CBX1: variants seen among roughly 807,000 people sequenced by gnomAD.
The protein encoded by CBX1 is chromobox protein homolog 1.
A neutral mutation model predicts 25.1 loss-of-function variants in CBX1; 10 were observed. The ratio of observed to expected loss-of-function variants is 0.40; its 90% confidence interval spans 0.25 to 0.68. The LOEUF (loss-of-function observed/expected upper bound fraction) is 0.68. Ranked by LOEUF, CBX1 falls within the 30% of genes least tolerant of loss-of-function variation. The pLI is 0.40. For missense variants in CBX1, 106 were observed against 218.5 expected (o/e 0.49, Z 3.25); for synonymous variants, 63 against 79.4 (o/e 0.79, Z 1.10).
intron 1 of CBX1, among the ~76,000 whole-genome samples, chr17:48,100,080 A>C (rs1406000119): frequency 7.0e-6 from 1 of 143,804 alleles, no homozygotes; most frequent in African/African-American, 2.5e-5. Context: ...TGGAGGTTGC[A>C]GTGAGCCAAG....
At chr17:48,096,944 T>A (rs2063378662) in intron 1 of CBX1, among the ~76,000 whole-genome samples, 1 of 151,086 alleles carries the variant, frequency 6.6e-6, no homozygotes, top group East Asian at 2.0e-4. Flanking sequence ...GTGAGAAAAA[T>A]AAAAGTTCAA....
chr17:48,074,043 G>A (rs1037401184), intron 4 of CBX1, among the ~76,000 whole-genome samples: 4 of 152,138 alleles, frequency 2.6e-5, no homozygotes, highest in African/African-American at 9.7e-5. Flanking sequence ...TAAAAGAGGG[G>A]CAGCTCCAGT....
In CBX1 at chr17:48,070,821, T is replaced by C. The variant is rs1038824736; in HGVS notation, c.*614A>G. On this transcript the variant is annotated 3_prime_UTR_variant, in exon 5 of 5. Transcript: ENST00000225603. ...ACTTTCACAGCTTTTAAACAGTCTC[T>C]CACAGTCCTTATTTATGGTGCCAAT... is the stretch of plus-strand genomic sequence containing the variant. The C allele has an allele frequency of 6.5e-5, 10 of 152,678 alleles. No individual in the cohort carries two copies. The highest frequency in any genetic ancestry group is 2.4e-4 in the African/African-American group (10 of 41,456). 9.5% of individuals were successfully genotyped at this position (152,678 alleles called of 1,614,324 possible). A position where few individuals can be genotyped will look rare whatever the true frequency, so the allele number is the denominator to read the frequency against.
At chr17:48,080,951 A>AAATATAT (rs1567765514) in intron 1 of CBX1, among the ~76,000 whole-genome samples, 1 of 33,274 alleles carries the variant, frequency 3.0e-5, no homozygotes, top group Non-Finnish European at 5.3e-5. Context: ...AAAAAAAAAA[A>AAATATAT]ATATATATAT....
chr17:48,084,832 C>A (rs963910464), intron 1 of CBX1, among the ~76,000 whole-genome samples: 2 of 150,396 alleles, frequency 1.3e-5, no homozygotes, highest in Admixed American at 6.6e-5. Context: ...ATGGTGTGAA[C>A]CCAGGAGACG....
intron 1 of CBX1, among the ~76,000 whole-genome samples, chr17:48,091,957 G>A (rs962085632): frequency 2.7e-5 from 4 of 150,770 alleles, no homozygotes; most frequent in African/African-American, 9.8e-5. Flanking sequence ...CAGGTTACAG[G>A]CGTGAGCCAC....
At chr17:48,077,548 C>A (rs2037690154) in intron 1 of CBX1, among the ~76,000 whole-genome samples, 1 of 151,416 alleles carries the variant, frequency 6.6e-6, no homozygotes, top group Non-Finnish European at 1.5e-5. Context: ...CCTCGGCCTC[C>A]CAAAGTGTTG....
intron 3 of CBX1, 134 bp downstream of exon 3, chr17:48,075,867 T>G: frequency 1.6e-6 from 1 of 614,086 alleles, no homozygotes. Context: ...CACTCTCACT[T>G]TGTAGGCATT....
rs2063342662 is a variant in CBX1, at chr17:48,091,349, A to G, written c.-38+9919T>C. Among the ~76,000 whole-genome samples the G allele has an allele frequency of 4.0e-5, 6 of 150,620 alleles. No homozygotes were observed. In the South Asian group the frequency reaches 1.0e-3, roughly 26 times the overall value. On this transcript the variant is annotated intron_variant, in intron 1 of 4. Coordinates refer to ENST00000225603, the MANE Select transcript of CBX1 (RefSeq NM_001127228.2). ...TTGAAGATCTAGTCAGTTAATGGCT[A>G]TCAAAGTTCATAACTGCAGATCTTC...
intron 1 of CBX1, among the ~76,000 whole-genome samples, chr17:48,082,948 C>T (rs1798151915): frequency 6.7e-6 from 1 of 148,900 alleles, no homozygotes; most frequent in Non-Finnish European, 1.5e-5. Context: ...CTCACCACCA[C>T]CTCGGCTTCC....
intron 4 of CBX1, among the ~76,000 whole-genome samples, 160 bp from the exon 5 acceptor site, chr17:48,071,739 T>G (rs899558142): frequency 1.3e-5 from 2 of 152,196 alleles, no homozygotes; most frequent in Non-Finnish European, 2.9e-5. Flanking sequence ...CAATTGTATG[T>G]CAAGTGACAT....
At chr17:48,101,024 C>G (rs1277289921) in intron 1 of CBX1, 2 of 985,712 alleles carry the variant, frequency 2.0e-6, no homozygotes, top group Non-Finnish European at 2.4e-6. Context: ...GGCCCACCCC[C>G]AAGCACTCAG....
At chr17:48,100,991 C>G (rs1471225538) in intron 1 of CBX1, 42 of 985,928 alleles carry the variant, frequency 4.3e-5, no homozygotes, top group Non-Finnish European at 2.8e-5. Context: ...ACCCGGGCCC[C>G]GAAGAGCGGC....
At chr17:48,096,040 C>T (rs2063373461) in intron 1 of CBX1, among the ~76,000 whole-genome samples, 1 of 152,172 alleles carries the variant, frequency 6.6e-6, no homozygotes, top group African/African-American at 2.4e-5. Context: ...ACCACCACGC[C>T]CAGCTAATTG....
chr17:48,093,362 G>C (rs1355570721), intron 1 of CBX1, among the ~76,000 whole-genome samples: 1 of 150,884 alleles, frequency 6.6e-6, no homozygotes, highest in East Asian at 1.9e-4. Flanking sequence ...AAGTTCAAGT[G>C]AGAGTCCGAA....
chr17:48,090,120 G>A (rs1378850426), intron 1 of CBX1, among the ~76,000 whole-genome samples: 5 of 151,800 alleles, frequency 3.3e-5, no homozygotes, highest in Non-Finnish European at 1.5e-5. Context: ...TGGCCAGGGT[G>A]GTCTCGATCT....
intron 1 of CBX1, among the ~76,000 whole-genome samples, chr17:48,098,128 G>A (rs1356853902): frequency 6.6e-6 from 1 of 152,116 alleles, no homozygotes; most frequent in Non-Finnish European, 1.5e-5. Context: ...GCATGAGACT[G>A]TAGTCCTAGC....
chr17:48,086,673 T>A (rs1369532644), intron 1 of CBX1, among the ~76,000 whole-genome samples: 1 of 151,796 alleles, frequency 6.6e-6, no homozygotes, highest in Non-Finnish European at 1.5e-5. Context: ...CTGGCCAACA[T>A]GGTGAAACCC....
At chr17:48,087,872 CAA>C (rs531431865) in intron 1 of CBX1, among the ~76,000 whole-genome samples, 4 of 89,486 alleles carry the variant, frequency 4.5e-5, no homozygotes, top group South Asian at 4.3e-4. Context: ...GACTCAGTCT[CAA>C]AAAAAAAAAA....
Sources: gnomAD v4.1 joint callset for allele counts (sites outside exome capture counted in the v4.1 genomes callset) on GRCh38, gnomAD v4.1.1 for gene constraint, MANE v1.5 for transcripts, NCBI Gene and HGNC (gene_info 2026-07-23, HGNC 2026-07-21) for gene names.